The following RC3H1 variants were observed in gnomAD, a reference collection of about 807,000 sequenced individuals.
The protein encoded by RC3H1 is roquin-1.
Under a neutral mutation model 138.2 loss-of-function variants are expected in RC3H1, and 50 were observed. The ratio of observed to expected loss-of-function variants is 0.36; its 90% confidence interval spans 0.29 to 0.46. The LOEUF is 0.46. RC3H1 is among the 20% of genes least tolerant of loss of function. The pLI is 1.00. For missense variants in RC3H1, 1,031 were observed against 1,388.1 expected, an observed-to-expected ratio of 0.74 and a Z score of 4.09; for synonymous variants, 462 against 489.1, an observed-to-expected ratio of 0.94 and a Z score of 0.73.
rs533689898 is a variant in RC3H1 at position 173,981,699 on chromosome 1, G to C, written c.769-690C>G. On this transcript the variant is annotated intron_variant, in intron 5 of 19. Coordinates refer to ENST00000367696, the MANE Select transcript of RC3H1 (RefSeq NM_172071.4). ...TCTAAAAATGATTTAATTTGTACTTGGCTTAATTCTTCATGGAGTTTTGTG... is the reference window on the plus strand; with the variant it reads ...TCTAAAAATGATTTAATTTGTACTTCGCTTAATTCTTCATGGAGTTTTGTG... Among the ~76,000 whole-genome samples, 5 of 152,158 alleles carry C rather than the reference G, an allele frequency of 3.3e-5. No homozygotes were observed. The South Asian group carries it at 1.0e-3, about 32-fold the overall frequency.
chr1:174,014,152 T>C (rs1414734190), intron 1 of RC3H1, among the ~76,000 whole-genome samples: 1 of 152,206 alleles, frequency 6.6e-6, no homozygotes, highest in Admixed American at 6.5e-5. Flanking sequence ...TATAATGTTA[T>C]GCATTTGGCA....
At chr1:173,998,655 CTATT>C in intron 1 of RC3H1, among the ~76,000 whole-genome samples, 1 of 152,316 alleles carries the variant, frequency 6.6e-6, no homozygotes, top group South Asian at 2.1e-4. Context: ...TGACATTTCA[CTATT>C]AATTTATCCC....
intron 9 of RC3H1, chr1:173,969,438 T>C (rs1206066714): frequency 6.6e-6 from 1 of 151,856 alleles, no homozygotes; most frequent in Non-Finnish European, 1.5e-5. Context: ...CCCTTAGACA[T>C]GGCATCTATT....
chr1:173,992,979 C>T lies in RC3H1; in HGVS notation c.7G>A (p.Val3Ile), dbSNP rs1019376984. 2 of 1,611,358 alleles carry T rather than the reference C, an allele frequency of 1.2e-6. No individual in the cohort carries two copies. The highest frequency in any genetic ancestry group is 1.7e-5 in the Admixed American group (1 of 59,992). The change falls in exon 2 of 20, where the codon GTA (valine) becomes ATA (isoleucine). Residue 3 changes from valine (V) to isoleucine (I), a missense_variant. Around this residue, in one of 7 missense-constraint regions of RC3H1, gnomAD observed 35 missense variants for 69.4 expected, o/e 0.50. Coordinates refer to ENST00000367696, the MANE Select transcript of RC3H1 (RefSeq NM_172071.4). MP[V>I]QAPQWTDFLS... ...AAATCCGTCCATTGTGGAGCTTGTACAGGCATTGCTTCTGGAGTTACAATT... is the reference window on the plus strand; with the variant it reads ...AAATCCGTCCATTGTGGAGCTTGTATAGGCATTGCTTCTGGAGTTACAATT...
chr1:174,012,157 G>C (rs1405296419), intron 1 of RC3H1, among the ~76,000 whole-genome samples: 2 of 151,910 alleles, frequency 1.3e-5, no homozygotes, highest in Non-Finnish European at 2.9e-5. Context: ...CTTGAGCCTG[G>C]GAGGTCAAGG....
chr1:173,989,973 G>C (rs1245451999), intron 2 of RC3H1, among the ~76,000 whole-genome samples: 1 of 150,994 alleles, frequency 6.6e-6, no homozygotes, highest in Admixed American at 6.6e-5. Flanking sequence ...TGATCCACCC[G>C]CCTCGGCCTC....
In RC3H1 at chr1:173,963,972, C is replaced by T; in HGVS notation, c.1831+1G>A. 6.2e-7 allele frequency: 1 copy of T among 1,613,100 alleles called. No homozygotes were observed. The highest frequency in any genetic ancestry group is 8.5e-7 in the Non-Finnish European group (1 of 1,179,346). ...TAGCAATATAAATTTAAAATCGTTA[C>T]CCTGCTGATAAGGTGCTGGTTCAAA... On this transcript the variant is annotated splice_donor_variant, in intron 11 of 19. Transcript: ENST00000367696. LOFTEE classifies it high-confidence loss of function.
At chr1:173,999,258 T>C (rs1386659258) in intron 1 of RC3H1, among the ~76,000 whole-genome samples, 1 of 151,682 alleles carries the variant, frequency 6.6e-6, no homozygotes, top group Non-Finnish European at 1.5e-5. Flanking sequence ...CACATGCCTG[T>C]AATCCCAGCT....
intron 1 of RC3H1, among the ~76,000 whole-genome samples, chr1:174,008,768 G>A: frequency 6.6e-6 from 1 of 152,144 alleles, no homozygotes; most frequent in Non-Finnish European, 1.5e-5. Context: ...CCTGAGGTCA[G>A]GAGTTTGAGA....
At chr1:174,019,319 A>T (rs936838478) in intron 1 of RC3H1, among the ~76,000 whole-genome samples, 1 of 152,222 alleles carries the variant, frequency 6.6e-6, no homozygotes, top group Non-Finnish European at 1.5e-5. Flanking sequence ...CAAAAAAAGG[A>T]ATCTGTCAAC....
chr1:174,013,180 T>C (rs1661798386), intron 1 of RC3H1, among the ~76,000 whole-genome samples: 1 of 151,952 alleles, frequency 6.6e-6, no homozygotes, highest in Non-Finnish European at 1.5e-5. Flanking sequence ...TTGCTGATAG[T>C]ACAAGCAACA....
At chr1:173,955,503 C>T (rs1279701005) in intron 13 of RC3H1, among the ~76,000 whole-genome samples, 7 of 151,024 alleles carry the variant, frequency 4.6e-5, no homozygotes, top group African/African-American at 1.2e-4. Flanking sequence ...TCGTATTTTT[C>T]GTAGAGACAG....
At chr1:173,952,208 T>C (rs1401361206) in intron 13 of RC3H1, 70 bp from the exon 14 acceptor site, 26 of 1,142,796 alleles carry the variant, frequency 2.3e-5, no homozygotes, top group Non-Finnish European at 3.1e-5. Flanking sequence ...AATGGGTCTA[T>C]GAGTAACAAG....
intron 8 of RC3H1, 126 bp downstream of exon 8, chr1:173,972,383 C>CA (rs779427975): frequency 3.9e-4 from 252 of 652,876 alleles, no homozygotes; most frequent in Non-Finnish European, 6.2e-4. Context: ...TTTCTATACT[C>CA]AGAGTCTCAA....
intron 1 of RC3H1, among the ~76,000 whole-genome samples, chr1:174,012,825 A>G (rs570103705): frequency 2.2e-4 from 33 of 151,808 alleles, no homozygotes; most frequent in Non-Finnish European, 3.5e-4. Context: ...AAGAACTAGA[A>G]TAAGGAGATC....
Position 173,941,336 on chromosome 1 carries a change from A to G in RC3H1, c.3180T>C (p.Ser1060=). The change falls in exon 19 of 20, where the codon AGT becomes AGC. Residue 1060 remains serine, a synonymous_variant. Transcript: ENST00000367696. ...CTGGTTGTCCATTTTCTGCTTGTTTACTTGTATTCAGTTTGCTTTTCATGT... is the reference window on the plus strand; with the variant it reads ...CTGGTTGTCCATTTTCTGCTTGTTTGCTTGTATTCAGTTTGCTTTTCATGT... ...SLDMKSKLNT[S]KQAENGQPEP... The G allele has an allele frequency of 6.2e-7, 1 of 1,613,778 alleles. No individual in the cohort carries two copies. The highest frequency in any genetic ancestry group is 8.5e-7 in the Non-Finnish European group (1 of 1,179,874).
At chr1:174,020,800 G>A (rs1256815022) in intron 1 of RC3H1, among the ~76,000 whole-genome samples, 3 of 152,150 alleles carry the variant, frequency 2.0e-5, no homozygotes, top group African/African-American at 7.2e-5. Flanking sequence ...CTTGAGGTCA[G>A]GAGTTCCAGA....
chr1:173,965,656 T>C (rs1660085057), intron 9 of RC3H1, among the ~76,000 whole-genome samples: 1 of 152,258 alleles, frequency 6.6e-6, no homozygotes, highest in Admixed American at 6.5e-5. Context: ...AATATATTTC[T>C]GTGGACATTT....
chr1:174,015,082 C>T (rs1450137384), intron 1 of RC3H1, among the ~76,000 whole-genome samples: 5 of 152,180 alleles, frequency 3.3e-5, no homozygotes, highest in Non-Finnish European at 2.9e-5. Flanking sequence ...GCCCTCCATC[C>T]TACCTATATG....
Sources: allele counts gnomAD v4.1 joint callset (sites outside exome capture counted in the v4.1 genomes callset), GRCh38; gene constraint gnomAD v4.1.1; regional missense constraint gnomAD v4.1.1; transcripts MANE v1.5; gene names NCBI Gene and HGNC (gene_info 2026-07-23, HGNC 2026-07-21).